The following SPATA17 variants were observed in gnomAD, a reference collection of about 807,000 sequenced individuals.
SPATA17 encodes spermatogenesis associated 17.
In SPATA17, 53 loss-of-function variants were observed where a neutral mutation model predicts 62.2. The ratio of observed to expected loss-of-function variants is 0.85; its 90% CI spans 0.68 to 1.07. SPATA17 has a LOEUF of 1.07. Ranked by LOEUF, SPATA17 falls within the 50% of genes least tolerant of loss-of-function variation. The pLI, the probability that SPATA17 is intolerant of heterozygous loss-of-function variation, is 0.00. For synonymous variants in SPATA17, 146 were observed against 146.8 expected (o/e 0.99, Z 0.04); for missense variants, 466 against 425.5 (o/e 1.10, Z -0.84).
intron 9 of SPATA17, among the ~76,000 whole-genome samples, chr1:217,833,020 AG>A (rs1395972641): frequency 6.6e-6 from 1 of 152,152 alleles, no homozygotes; most frequent in African/African-American, 2.4e-5. Flanking sequence ...GCTTCAGAAA[AG>A]TCTATTATTT....
chr1:217,786,927 A>G (rs147911294), intron 8 of SPATA17, among the ~76,000 whole-genome samples: 15 of 152,014 alleles, frequency 9.9e-5, no homozygotes, highest in East Asian at 1.9e-4. Context: ...TCAGGTTTAC[A>G]TTTTCAACTG....
chr1:217,856,612 G>A (rs574590496), intron 9 of SPATA17, among the ~76,000 whole-genome samples: 1 of 152,074 alleles, frequency 6.6e-6, no homozygotes, highest in Non-Finnish European at 1.5e-5. Context: ...TTTTTCTCTG[G>A]GAACATGTAC....
intron 9 of SPATA17, among the ~76,000 whole-genome samples, chr1:217,834,116 C>G (rs756480686): frequency 1.3e-5 from 2 of 152,080 alleles, no homozygotes; most frequent in African/African-American, 2.4e-5. Context: ...TTAAACATCA[C>G]GTAGAGATGT....
intron 9 of SPATA17, among the ~76,000 whole-genome samples, chr1:217,809,931 T>C (rs772519389): frequency 1.3e-5 from 2 of 152,248 alleles, no homozygotes; most frequent in Non-Finnish European, 2.9e-5. Context: ...TGTAATGTGA[T>C]CTGTATCCCA....
rs528149327 is a variant in SPATA17, at chr1:217,790,802, T to C, written c.872+8480T>C. On this transcript the variant is annotated intron_variant, in intron 8 of 10. Coordinates refer to ENST00000366933, the MANE Select transcript of SPATA17 (RefSeq NM_138796.4). ...TTCGTAGACATTACTAAAAGAAAAA[T>C]GTTGTGGGAAAGGTTAAGAAACAAG... Among the ~76,000 whole-genome samples, 18 of 152,254 alleles carry C rather than the reference T, an allele frequency of 1.2e-4. No homozygotes were observed. The East Asian group carries it at 2.5e-3, about 21-fold the overall frequency.
intron 9 of SPATA17, among the ~76,000 whole-genome samples, chr1:217,844,357 G>T (rs945340060): frequency 2.0e-5 from 3 of 152,096 alleles, no homozygotes; most frequent in African/African-American, 7.2e-5. Context: ...GTTGCATAAA[G>T]AATTCTGAGG....
chr1:217,633,314 C>T (rs1402477153), intron 1 of SPATA17, among the ~76,000 whole-genome samples: 1 of 151,950 alleles, frequency 6.6e-6, no homozygotes, highest in Non-Finnish European at 1.5e-5. Context: ...AGGGATTGCA[C>T]CAGGAACAAC....
At chr1:217,662,054 G>C (rs1389266079) in intron 3 of SPATA17, among the ~76,000 whole-genome samples, 1 of 152,068 alleles carries the variant, frequency 6.6e-6, no homozygotes, top group East Asian at 1.9e-4. Context: ...TCTTTTAAGA[G>C]CACTAACAAT....
intron 5 of SPATA17, among the ~76,000 whole-genome samples, chr1:217,689,221 CTTTTTTTT>C (rs200885875): frequency 2.0e-4 from 21 of 102,588 alleles, no homozygotes; most frequent in South Asian, 4.0e-4. Context: ...TTTATTATGT[CTTTTTTTT>C]TTTTTTTTTT....
At chr1:217,668,404 T>C (rs1190815317) in intron 3 of SPATA17, among the ~76,000 whole-genome samples, 3 of 152,172 alleles carry the variant, frequency 2.0e-5, no homozygotes, top group Non-Finnish European at 4.4e-5. Flanking sequence ...AAGTCTTCAC[T>C]ATATCAAGGG....
chr1:217,747,791 A>AT (rs766391699), intron 6 of SPATA17, among the ~76,000 whole-genome samples: 6 of 152,180 alleles, frequency 3.9e-5, no homozygotes, highest in African/African-American at 7.2e-5. Flanking sequence ...TATACGATAG[A>AT]TTTTTGATGT....
At chr1:217,729,858 C>G (rs1672360075) in intron 5 of SPATA17, among the ~76,000 whole-genome samples, 1 of 152,114 alleles carries the variant, frequency 6.6e-6, no homozygotes, top group African/African-American at 2.4e-5. Flanking sequence ...TTTGGCATTT[C>G]AAAATATTTA....
intron 9 of SPATA17, among the ~76,000 whole-genome samples, chr1:217,845,171 G>A (rs1436425446): frequency 1.3e-5 from 2 of 151,814 alleles, no homozygotes; most frequent in African/African-American, 4.8e-5. Context: ...TTTTCTTTAG[G>A]TTCCTGCAGA....
intron 5 of SPATA17, among the ~76,000 whole-genome samples, chr1:217,739,314 A>G (rs571793303): frequency 4.3e-4 from 65 of 152,346 alleles, no homozygotes; most frequent in African/African-American, 1.5e-3. Context: ...GGAAGATGAC[A>G]GCCTGGTCTG....
chr1:217,643,051 C>T (rs188047093), intron 1 of SPATA17, among the ~76,000 whole-genome samples: 26 of 152,274 alleles, frequency 1.7e-4, no homozygotes, highest in African/African-American at 6.0e-4. Flanking sequence ...TGTGTTTGTA[C>T]ACATCTGTAC....
intron 8 of SPATA17, among the ~76,000 whole-genome samples, chr1:217,786,379 ATT>A (rs889221959): frequency 2.0e-5 from 3 of 152,156 alleles, no homozygotes; most frequent in African/African-American, 7.2e-5. Context: ...GATGATTGAG[ATT>A]TTGATAGAGG....
chr1:217,814,594 TC>T (rs1381163731), intron 9 of SPATA17, among the ~76,000 whole-genome samples: 1 of 152,148 alleles, frequency 6.6e-6, no homozygotes, highest in Non-Finnish European at 1.5e-5. Context: ...ACTCCTGTAA[TC>T]CCAGCACTTT....
intron 9 of SPATA17, among the ~76,000 whole-genome samples, chr1:217,804,034 A>AG: frequency 6.6e-6 from 1 of 151,992 alleles, no homozygotes; most frequent in East Asian, 1.9e-4. Context: ...AAAAAAAAAA[A>AG]GAAGAAGAAA....
intron 1 of SPATA17, among the ~76,000 whole-genome samples, chr1:217,644,850 C>A (rs749942402): frequency 6.6e-6 from 1 of 151,976 alleles, no homozygotes; most frequent in Non-Finnish European, 1.5e-5. Context: ...TAATACTGAT[C>A]ATAATAAATT....
Sources: gnomAD v4.1 joint callset for allele counts (sites outside exome capture counted in the v4.1 genomes callset) on GRCh38, gnomAD v4.1.1 for gene constraint, MANE v1.5 for transcripts, NCBI Gene and HGNC (gene_info 2026-07-23, HGNC 2026-07-21) for gene names.